The following FBLN1 variants were observed in gnomAD, a reference collection of about 807,000 sequenced individuals.
FBLN1 encodes fibulin-1.
In FBLN1, 34 loss-of-function variants were observed where a neutral mutation model predicts 89.7. That is an observed-to-expected ratio of 0.38 (90% CI 0.29 to 0.50). The LOEUF is 0.50. Among genes scored for constraint, FBLN1 ranks in the 20% least tolerant of loss-of-function variants. The probability of loss-of-function intolerance (pLI) is 0.92; values close to 1 mark genes in which losing one functional copy is unlikely to be tolerated. For missense variants in FBLN1, 777 were observed against 988.1 expected (o/e 0.79, Z 2.86); for synonymous variants, 393 against 391.3 (o/e 1.00, Z -0.05).
At chr22:45,553,752 A>T (rs2146999417) in intron 14 of FBLN1, among the ~76,000 whole-genome samples, 1 of 152,172 alleles carries the variant, frequency 6.6e-6, no homozygotes, top group African/African-American at 2.4e-5. Context: ...TCGGAGGGGG[A>T]GCCTCCAGGG....
intron 14 of FBLN1, among the ~76,000 whole-genome samples, chr22:45,570,495 A>G (rs557566600): frequency 6.6e-6 from 1 of 152,096 alleles, no homozygotes; most frequent in Non-Finnish European, 1.5e-5. Context: ...ACTAAACTAG[A>G]TGGAACACAA....
rs1569260430 is a variant in FBLN1, at chr22:45,568,784, C to CTT, written c.1698-5727_1698-5726insTT. 9.6e-4 allele frequency among the ~76,000 whole-genome samples: 36 copies of CTT among 37,426 alleles called. 5 individuals carry two copies. The highest frequency in any genetic ancestry group is 2.9e-3 in the African/African-American group (24 of 8,380). The allele number at this position is 37,426 out of a possible 152,430, so 24.6% of individuals were successfully genotyped here. On this transcript the variant is annotated intron_variant, in intron 14 of 16. Coordinates refer to ENST00000327858, the MANE Select transcript of FBLN1 (RefSeq NM_006486.3). The stretch of plus-strand genomic sequence containing the variant: ...GCTCCTTCTGTAAGGGAATGCTCCT[C>CTT]CTGTAAGGGAATGCCTCTTCTGTAG...
At chr22:45,542,050 G>A (rs529784503) in intron 9 of FBLN1, 105 bp from the exon 10 acceptor site, 2 of 1,544,498 alleles carry the variant, frequency 1.3e-6, no homozygotes, top group African/African-American at 2.7e-5. Flanking sequence ...TGGAATGCCT[G>A]TTTCCATGTC....
At chr22:45,541,109 G>A (rs2088549763) in intron 8 of FBLN1, 120 bp from the exon 9 acceptor site, 1 of 1,295,082 alleles carries the variant, frequency 7.7e-7, no homozygotes, top group Non-Finnish European at 1.1e-6. Flanking sequence ...AGGGGGTTGA[G>A]CCCCTCCATT....
At chr22:45,569,642 A>AAGAAGAAG (rs2088933758) in intron 14 of FBLN1, among the ~76,000 whole-genome samples, 1 of 149,740 alleles carries the variant, frequency 6.7e-6, no homozygotes, top group Non-Finnish European at 1.5e-5. Context: ...CTGTCTCAAA[A>AAGAAGAAG]AAGAAGAAGA....
intron 2 of FBLN1, among the ~76,000 whole-genome samples, chr22:45,522,513 T>G (rs1241566974): frequency 6.6e-6 from 1 of 151,998 alleles, no homozygotes; most frequent in Non-Finnish European, 1.5e-5. Flanking sequence ...CCTGAGTGGG[T>G]GAGAGGCTCA....
Position 45,575,812 on chromosome 22 carries a change from G to T in FBLN1, c.1840+1159G>T, listed in dbSNP as rs1219003341. Among the ~76,000 whole-genome samples the T allele has an allele frequency of 6.6e-6, 1 of 152,172 alleles. No individual in the cohort carries two copies. The highest frequency in any genetic ancestry group is 1.5e-5 in the Non-Finnish European group (1 of 68,010). On this transcript the variant is annotated intron_variant, in intron 15 of 16. Coordinates refer to ENST00000327858, the MANE Select transcript of FBLN1 (RefSeq NM_006486.3). The surrounding 1 kb of genome is among the most constrained non-coding windows in gnomAD (Gnocchi z 6.3). ...GTTCACCTCGCTTCCTGGCTGTGCT[G>T]CCCGTGTGCCCGGTCCCCAACCACC...
In FBLN1 at chr22:45,590,718, C is replaced by G. The variant is rs1393724797; in HGVS notation, c.1973-9589C>G. 6.6e-6 allele frequency among the ~76,000 whole-genome samples: 1 copy of G among 151,982 alleles called. No individual in the cohort carries two copies. Among genetic ancestry groups the G allele is most frequent in the African/African-American group, 2.4e-5 (1 of 41,386 alleles). On this transcript the variant is annotated intron_variant, in intron 16 of 16. Transcript: ENST00000327858. The surrounding 1 kb of genome is among the most constrained non-coding windows in gnomAD (Gnocchi z 4.1). ...CTTTAGGAATAGAATCCATTGGCCTCAGTGATGGTTTAACCTGAGGGATGG... is the reference window on the plus strand; with the variant it reads ...CTTTAGGAATAGAATCCATTGGCCTGAGTGATGGTTTAACCTGAGGGATGG...
At chr22:45,511,797 G>C (rs540453118) in intron 1 of FBLN1, among the ~76,000 whole-genome samples, 1 of 152,312 alleles carries the variant, frequency 6.6e-6, no homozygotes, top group South Asian at 2.1e-4. Flanking sequence ...TTGAGTCTTA[G>C]TAAGGGAGGG....
At chr22:45,529,124 G>A (rs2238814) in intron 4 of FBLN1, among the ~76,000 whole-genome samples, 1 of 152,126 alleles carries the variant, frequency 6.6e-6, no homozygotes, top group African/African-American at 2.4e-5. Context: ...TCTTGGGTGA[G>A]GGTCTGATGC....
Position 45,562,815 on chromosome 22 carries a change from C to T in FBLN1, c.1698-11696C>T. 1.4e-5 allele frequency: 17 copies of T among 1,245,652 alleles called. No homozygotes were observed. Among genetic ancestry groups the T allele is most frequent in the Non-Finnish European group, 2.0e-5 (17 of 857,564 alleles). 77.2% of individuals were successfully genotyped at this position (1,245,652 alleles called of 1,614,324 possible). On this transcript the variant is annotated intron_variant, in intron 14 of 16. Transcript: ENST00000327858. This position sits in a 1 kb window ranked among gnomAD's most constrained non-coding sequence, Gnocchi z 7.8. ...ATCGGCCAGAGGGGCGGCGGGAGGC[C>T]CCGCCTGCCAGCCCCGCATCCCCGC...
rs1328455739 is a variant in FBLN1, at chr22:45,581,889, G to A, written c.1972+4781G>A. Among the ~76,000 whole-genome samples the A allele has an allele frequency of 6.6e-6, 1 of 152,156 alleles. No homozygotes were observed. Among genetic ancestry groups the A allele is most frequent in the Non-Finnish European group, 1.5e-5 (1 of 68,026 alleles). ...TTGGGGCTGCTGGAGCATCCAGGGT[G>A]CAGGGAGGGTCGAGGGGAGGCCGAA... On this transcript the variant is annotated intron_variant, in intron 16 of 16. Transcript: ENST00000327858. The surrounding 1 kb of genome is among the most constrained non-coding windows in gnomAD (Gnocchi z 7.6).
chr22:45,506,254 G>A lies in FBLN1; in HGVS notation c.79+3190G>A, dbSNP rs146270261. 3.4e-3 allele frequency among the ~76,000 whole-genome samples: 525 copies of A among 152,336 alleles called. 2 individuals carry two copies. The highest frequency in any genetic ancestry group is 0.012 in the African/African-American group (492 of 41,580). On this transcript the variant is annotated intron_variant, in intron 1 of 16. Coordinates refer to ENST00000327858, the MANE Select transcript of FBLN1 (RefSeq NM_006486.3). ...ACCCCAGAATTGTTTTCCCCAAGAT[G>A]CCTCTGCACATTCTACTACTACTGA...
At position 45,545,367 on chromosome 22, in the gene FBLN1, T is replaced by C. The variant is rs183128145; in HGVS notation, c.1322-1718T>C. Among the ~76,000 whole-genome samples the C allele has an allele frequency of 3.3e-3, 503 of 152,268 alleles. 3 individuals are homozygous for C. The highest frequency in any genetic ancestry group is 0.031 in the Middle Eastern group (9 of 294). ...TGTGAGGATGAAACGAGATTAAGCA[T>C]GTGAAGAGCTTATCACAGGGCCAAG... On this transcript the variant is annotated intron_variant, in intron 11 of 16. Coordinates refer to ENST00000327858, the MANE Select transcript of FBLN1 (RefSeq NM_006486.3). This position sits in a 1 kb window ranked among gnomAD's most constrained non-coding sequence, Gnocchi z 5.9.
intron 14 of FBLN1, among the ~76,000 whole-genome samples, chr22:45,570,759 C>T (rs970217444): frequency 1.3e-5 from 2 of 152,054 alleles, no homozygotes; most frequent in Admixed American, 6.6e-5. Context: ...TAACACATAG[C>T]GTACCTGAGA....
chr22:45,562,804 C>T lies in FBLN1; in HGVS notation c.1698-11707C>T, dbSNP rs771785425. 5.0e-5 allele frequency: 54 copies of T among 1,070,898 alleles called. No homozygotes were observed. The highest frequency in any genetic ancestry group is 4.9e-4 in the South Asian group (39 of 79,796). The allele number at this position is 1,070,898 out of a possible 1,614,324, so 66.3% of individuals were successfully genotyped here. A position where few individuals can be genotyped will look rare whatever the true frequency, so the allele number is the denominator to read the frequency against. On this transcript the variant is annotated intron_variant, in intron 14 of 16. Coordinates refer to ENST00000327858, the MANE Select transcript of FBLN1 (RefSeq NM_006486.3). This position sits in a 1 kb window ranked among gnomAD's most constrained non-coding sequence, Gnocchi z 7.8. The stretch of plus-strand genomic sequence containing the variant: ...GTGTTGGCTGAATCGGCCAGAGGGG[C>T]GGCGGGAGGCCCCGCCTGCCAGCCC...
At chr22:45,515,126 C>T (rs1232934864) in intron 1 of FBLN1, among the ~76,000 whole-genome samples, 1 of 152,156 alleles carries the variant, frequency 6.6e-6, no homozygotes, top group African/African-American at 2.4e-5. Context: ...ATGAGAGGGG[C>T]CTTGTCTGTA....
At chr22:45,595,381 C>T (rs2089175401) in intron 16 of FBLN1, among the ~76,000 whole-genome samples, 2 of 152,158 alleles carry the variant, frequency 1.3e-5, no homozygotes, top group African/African-American at 4.8e-5. Context: ...CGCAGCATCC[C>T]TACTTGTTCT....
chr22:45,506,107 C>G (rs940841252), intron 1 of FBLN1, among the ~76,000 whole-genome samples: 4 of 152,248 alleles, frequency 2.6e-5, no homozygotes, highest in Non-Finnish European at 4.4e-5. Context: ...TTCCTGTTGT[C>G]CCCTTCTCTA....
Sources: allele counts gnomAD v4.1 joint callset (sites outside exome capture counted in the v4.1 genomes callset), GRCh38; gene constraint gnomAD v4.1.1; non-coding constraint Gnocchi (gnomAD v3.1); transcripts MANE v1.5; gene names NCBI Gene and HGNC (gene_info 2026-07-23, HGNC 2026-07-21).